ALPK3: variants seen among roughly 807,000 people sequenced by gnomAD.
The protein encoded by ALPK3 is alpha kinase 3, also known as alpha-protein kinase 3.
Under a neutral mutation model 140.0 loss-of-function variants are expected in ALPK3, and 102 were observed. The observed-to-expected ratio is 0.73, with a 90% CI of 0.62 to 0.86. The LOEUF (loss-of-function observed/expected upper bound fraction) is 0.86. Among genes scored for constraint, ALPK3 ranks in the 40% least tolerant of loss-of-function variants. ALPK3 has a pLI of 0.00. For missense variants in ALPK3, 2,254 were observed against 2,208.2 expected (o/e 1.02, Z -0.42); for synonymous variants, 938 against 898.5 (o/e 1.04, Z -0.79).
chr15:84,856,679 A>T lies in ALPK3; in HGVS notation c.1941A>T (p.Glu647Asp). The T allele has an allele frequency of 6.2e-7, 1 of 1,614,086 alleles. No individual in the cohort carries two copies. The highest frequency in any genetic ancestry group is 8.5e-7 in the Non-Finnish European group (1 of 1,180,028). ...RKTQVDAGTQ[E>D]SKRPQSDRSA... is the part of the protein sequence containing the mutation. ...CGCAGGTGGATGCTGGGACACAAGAAAGCAAGAGGCCACAGTCAGACAGGA... is the reference window on the plus strand; with the variant it reads ...CGCAGGTGGATGCTGGGACACAAGATAGCAAGAGGCCACAGTCAGACAGGA... Residue 647 changes from glutamate to aspartate, a missense_variant, in exon 6 of 14, where the codon GAA becomes GAT. Transcript: ENST00000258888.
chr15:84,827,475 C>G lies in ALPK3; in HGVS notation c.183-9C>G, dbSNP rs772869299. Reference sequence around the variant, plus strand: ...AGGCCAGCTCTGAATAGCTCTTTGCCTCTCTTAGGAGCACCTTCTGCTCCA... The same window carrying G: ...AGGCCAGCTCTGAATAGCTCTTTGCGTCTCTTAGGAGCACCTTCTGCTCCA... On this transcript the variant is annotated splice_polypyrimidine_tract_variant and intron_variant, in intron 2 of 13. Coordinates refer to ENST00000258888, the MANE Select transcript of ALPK3 (RefSeq NM_020778.5). The G allele has an allele frequency of 6.2e-7, 1 of 1,614,024 alleles. No individual in the cohort carries two copies. Among genetic ancestry groups the G allele is most frequent in the Non-Finnish European group, 8.5e-7 (1 of 1,180,024 alleles).
chr15:84,820,722 A>T (rs543001037), intron 1 of ALPK3, among the ~76,000 whole-genome samples: 1 of 152,224 alleles, frequency 6.6e-6, no homozygotes, highest in South Asian at 2.1e-4. Flanking sequence ...CCTCAGGTGA[A>T]CTGCCTGCCT....
chr15:84,825,737 G>T (rs1567086554), intron 2 of ALPK3, among the ~76,000 whole-genome samples: 1 of 152,160 alleles, frequency 6.6e-6, no homozygotes, highest in Admixed American at 6.6e-5. Flanking sequence ...TAGCCTGGTG[G>T]TTTCTGGAAA....
chr15:84,856,459 T>C lies in ALPK3; in HGVS notation c.1721T>C (p.Ile574Thr), dbSNP rs767529202. Reference protein sequence around the residue: ...SASSSSDVASIGVSTSGSQGI... With the variant: ...SASSSSDVASTGVSTSGSQGI... ...AGCAGCAGCTCTGATGTAGCCTCCA[T>C]TGGGGTTAGCACTTCCGGAAGTCAA... is the stretch of plus-strand genomic sequence containing the variant. Residue 574 changes from isoleucine to threonine, a missense_variant, in exon 6 of 14, where the codon ATT becomes ACT. Physicochemically the swap from Ile to Thr is moderately conservative, Grantham distance 89 (BLOSUM62 -1). Coordinates refer to ENST00000258888, the MANE Select transcript of ALPK3 (RefSeq NM_020778.5). The C allele has an allele frequency of 3.1e-6, 5 of 1,613,962 alleles. No individual in the cohort carries two copies. Among genetic ancestry groups the C allele is most frequent in the South Asian group, 2.2e-5 (2 of 91,034 alleles).
intron 3 of ALPK3, among the ~76,000 whole-genome samples, chr15:84,837,327 C>T (rs1380525315): frequency 1.3e-5 from 2 of 152,188 alleles, no homozygotes; most frequent in African/African-American, 4.8e-5. Context: ...GGAATAATTG[C>T]TGGAGAAATG....
At chr15:84,851,506 A>G (rs563061478) in intron 5 of ALPK3, among the ~76,000 whole-genome samples, 1 of 152,296 alleles carries the variant, frequency 6.6e-6, no homozygotes, top group African/African-American at 2.4e-5. Context: ...AGATACATAG[A>G]GAATATTAAG....
At position 84,872,856 on chromosome 15, in the gene ALPK3, A is replaced by G. The variant is rs1347028205; in HGVS notation, c.*4400A>G. ...AAATAAGTTTTTCCTTCAAAAATAC[A>G]TTTGACTTCCTCTCCATTTAAGGTC... On this transcript the variant is annotated 3_prime_UTR_variant, in exon 14 of 14. Coordinates refer to ENST00000258888, the MANE Select transcript of ALPK3 (RefSeq NM_020778.5). 6.6e-6 allele frequency: 1 copy of G among 152,228 alleles called. No homozygotes were observed. Among genetic ancestry groups the G allele is most frequent in the Non-Finnish European group, 1.5e-5 (1 of 68,048 alleles). 9.4% of individuals were successfully genotyped at this position (152,228 alleles called of 1,614,324 possible).
chr15:84,863,272 G>A (rs1196478974), intron 10 of ALPK3, among the ~76,000 whole-genome samples: 3 of 152,122 alleles, frequency 2.0e-5, no homozygotes, highest in African/African-American at 7.2e-5. Context: ...TACACAGAGT[G>A]GTCTCTGGGA....
intron 11 of ALPK3, among the ~76,000 whole-genome samples, chr15:84,864,166 C>A (rs1963979136): frequency 6.6e-6 from 1 of 152,138 alleles, no homozygotes; most frequent in Admixed American, 6.5e-5. Context: ...TGCCTCAATC[C>A]CTCACCCAAG....
chr15:84,857,189 A>C lies in ALPK3; in HGVS notation c.2451A>C (p.Arg817Ser). 3.1e-6 allele frequency: 5 copies of C among 1,613,638 alleles called. No homozygotes were observed. The highest frequency in any genetic ancestry group is 4.2e-6 in the Non-Finnish European group (5 of 1,179,808). The change falls in exon 6 of 14, where the codon AGA (arginine) becomes AGC (serine). Residue 817 changes from arginine to serine, a missense_variant. This residue lies in a region of ALPK3 where 2,088 missense variants were observed against 2,022.9 expected (regional missense o/e 1.03). Coordinates refer to ENST00000258888, the MANE Select transcript of ALPK3 (RefSeq NM_020778.5). ...GTGTGGAGCAGGTGGGAGGAGAGAG[A>C]TGCCGAGGGCCACAGTCATCAGGCC... Reference protein sequence around the residue: ...EGSVEQVGGERCRGPQSSGPV... With the variant: ...EGSVEQVGGESCRGPQSSGPV...
At chr15:84,868,050 C>T (rs1311199195) in intron 13 of ALPK3, 61 bp from the exon 14 acceptor site, 4 of 1,514,494 alleles carry the variant, frequency 2.6e-6, no homozygotes, top group African/African-American at 2.8e-5. Flanking sequence ...CCAGAGTCCG[C>T]CCCCCAAGGA....
intron 3 of ALPK3, among the ~76,000 whole-genome samples, chr15:84,832,469 C>T (rs1280700595): frequency 1.3e-5 from 2 of 152,210 alleles, no homozygotes; most frequent in African/African-American, 4.8e-5. Flanking sequence ...GTTCATTCTG[C>T]CTTTTTACCT....
In ALPK3 at chr15:84,858,277, C is replaced by T. The variant is rs1481583740; in HGVS notation, c.3539C>T (p.Ala1180Val). Residue 1180 changes from alanine to valine, a missense_variant, in exon 6 of 14, where the codon GCA becomes GTA. Physicochemically the swap from Ala to Val is moderately conservative, Grantham distance 64. This residue lies in a region of ALPK3 where 2,088 missense variants were observed against 2,022.9 expected (regional missense o/e 1.03). Coordinates refer to ENST00000258888, the MANE Select transcript of ALPK3 (RefSeq NM_020778.5). The part of the protein sequence containing the change: ...PKVRAAGDGE[A>V]TTPEERESPT... ...GTCAGAGCAGCAGGAGACGGGGAGG[C>T]AACCACACCTGAAGAAAGGGAGAGC... The T allele has an allele frequency of 8.2e-6, 13 of 1,589,732 alleles. No homozygotes were observed. The highest frequency in any genetic ancestry group is 1.1e-5 in the Non-Finnish European group (13 of 1,168,186).
In ALPK3 at chr15:84,857,258, G is replaced by A; in HGVS notation, c.2520G>A (p.Lys840=). The A allele has an allele frequency of 1.2e-6, 2 of 1,614,098 alleles. No individual in the cohort carries two copies. Among genetic ancestry groups the A allele is most frequent in the Non-Finnish European group, 1.7e-6 (2 of 1,179,992 alleles). ...KQEDSPFQCP[K]EERPGGVPCM... ...AGGACAGCCCGTTCCAGTGCCCCAA[G>A]GAGGAGCGGCCAGGGGGAGTGCCGT... Residue 840 remains lysine, a synonymous_variant, in exon 6 of 14, where the codon AAG becomes AAA. Transcript: ENST00000258888.
chr15:84,846,500 A>G (rs1207420658), intron 5 of ALPK3, among the ~76,000 whole-genome samples: 1 of 152,180 alleles, frequency 6.6e-6, no homozygotes, highest in Non-Finnish European at 1.5e-5. Context: ...GCTGGGGAAC[A>G]TGGCAAAACC....
At position 84,857,138 on chromosome 15, in the gene ALPK3, C is replaced by G; in HGVS notation, c.2400C>G (p.Leu800=). 1 of 1,614,054 alleles carries G rather than the reference C, an allele frequency of 6.2e-7. No individual in the cohort carries two copies. Among genetic ancestry groups the G allele is most frequent in the Non-Finnish European group, 8.5e-7 (1 of 1,179,956 alleles). ...GTCCCCTGTCAGGGAACCTCATGCT[C>G]CCAGCACAGCCGCCCCATGAGGGGA... ...VLGPLSGNLM[L]PAQPPHEGSV... is the part of the protein sequence containing the mutation. Residue 800 remains leucine, a synonymous_variant, in exon 6 of 14, where the codon CTC becomes CTG. Coordinates refer to ENST00000258888, the MANE Select transcript of ALPK3 (RefSeq NM_020778.5).
rs116937651 is a variant in ALPK3 at position 84,865,374 on chromosome 15, A to G, written c.4723+709A>G. ...TGTGGTAAATAAGTGAGAAAACTAG[A>G]GACCAGAGATATAAAACGGACTCAA... On this transcript the variant is annotated intron_variant, in intron 12 of 13. Transcript: ENST00000258888. Among the ~76,000 whole-genome samples, 64 of 152,312 alleles carry G rather than the reference A, an allele frequency of 4.2e-4. No individual in the cohort carries two copies. In the East Asian group the frequency reaches 9.6e-3, roughly 23 times the overall value.
chr15:84,858,641 T>C (rs1963900823), intron 6 of ALPK3, 86 bp downstream of exon 6: 20 of 1,463,128 alleles, frequency 1.4e-5, no homozygotes, highest in Non-Finnish European at 1.7e-5. Context: ...CACTACCCCA[T>C]GACAGATAGC....
Position 84,823,439 on chromosome 15 carries a change from T to G in ALPK3, c.182+71T>G. ...GTCTGGGCATTGAGGGGCCACTGAGTGTCTGCTCGTGCACTAACCAGGCTG... is the reference window on the plus strand; with the variant it reads ...GTCTGGGCATTGAGGGGCCACTGAGGGTCTGCTCGTGCACTAACCAGGCTG... On this transcript the variant is annotated intron_variant, in intron 2 of 13. Coordinates refer to ENST00000258888, the MANE Select transcript of ALPK3 (RefSeq NM_020778.5). 2 of 1,550,658 alleles carry G rather than the reference T, an allele frequency of 1.3e-6. 1 individual carries two copies. The highest frequency in any genetic ancestry group is 3.4e-5 in the Admixed American group (2 of 59,694).
Sources: allele counts gnomAD v4.1 joint callset (sites outside exome capture counted in the v4.1 genomes callset), GRCh38; gene constraint gnomAD v4.1.1; regional missense constraint gnomAD v4.1.1; transcripts MANE v1.5; gene names NCBI Gene and HGNC (gene_info 2026-07-23, HGNC 2026-07-21).